SPI1: variants seen among roughly 807,000 people sequenced by gnomAD.
SPI1 encodes Spi-1 proto-oncogene.
Under a neutral mutation model 30.7 loss-of-function variants are expected in SPI1, and 3 were observed. The observed-to-expected ratio is 0.10, with a 90% CI of 0.04 to 0.25. The LOEUF (loss-of-function observed/expected upper bound fraction) is 0.25, where lower values mean the gene tolerates loss of function less well. Ranked by LOEUF, SPI1 falls within the 10% of genes least tolerant of loss-of-function variation. SPI1 has a pLI of 1.00. For missense variants in SPI1, 261 were observed against 371.5 expected (o/e 0.70, Z 2.45); for synonymous variants, 169 against 157.1 (o/e 1.08, Z -0.56).
intron 2 of SPI1, among the ~76,000 whole-genome samples, chr11:47,367,200 GGATA>G (rs1204171155): frequency 2.6e-5 from 4 of 152,030 alleles, no homozygotes; most frequent in African/African-American, 9.7e-5. Flanking sequence ...GAAATTGGAT[GGATA>G]GATGGATGGA....
At chr11:47,367,382 C>T (rs942968296) in intron 2 of SPI1, among the ~76,000 whole-genome samples, 5 of 151,560 alleles carry the variant, frequency 3.3e-5, no homozygotes, top group African/African-American at 7.3e-5. Flanking sequence ...GGTGAAACCC[C>T]GTCTCTACTA....
intron 4 of SPI1, among the ~76,000 whole-genome samples, chr11:47,356,074 C>T (rs1038947556): frequency 1.3e-5 from 2 of 151,692 alleles, no homozygotes; most frequent in Non-Finnish European, 2.9e-5. Context: ...CACCCACATG[C>T]TCACACACAT....
At chr11:47,369,286 A>C (rs908491283) in intron 2 of SPI1, among the ~76,000 whole-genome samples, 2 of 152,112 alleles carry the variant, frequency 1.3e-5, no homozygotes, top group South Asian at 4.1e-4. Context: ...CATAATAAAC[A>C]ATAGCAAATC....
rs781009883 is a variant in SPI1, at chr11:47,360,003, G to T, written c.180C>A (p.Ser60Arg). ...TGTTCTCGGCGAAGCTCTCGAACTC[G>T]CTGTGCACGTGGTGGGGGTGGAAGT... ...YWDFHPHHVH[S>R]EFESFAENNF... The change falls in exon 3 of 5, where the codon AGC (serine) becomes AGA (arginine). Residue 60 changes from serine (S) to arginine (R), a missense_variant. Transcript: ENST00000378538. 1 of 1,597,738 alleles carries T rather than the reference G, an allele frequency of 6.3e-7. No homozygotes were observed. Among genetic ancestry groups the T allele is most frequent in the Non-Finnish European group, 8.5e-7 (1 of 1,170,582 alleles).
chr11:47,368,943 C>G (rs2095932020), intron 2 of SPI1, among the ~76,000 whole-genome samples: 1 of 152,100 alleles, frequency 6.6e-6, no homozygotes. Flanking sequence ...GTGTATTTTA[C>G]CACAATTAAA....
chr11:47,362,161 G>A (rs904627188), intron 2 of SPI1, among the ~76,000 whole-genome samples: 4 of 152,176 alleles, frequency 2.6e-5, no homozygotes, highest in Admixed American at 1.3e-4. Flanking sequence ...GTTTTGAGAA[G>A]CAAATGACCT....
chr11:47,355,255 A>T lies in SPI1; in HGVS notation c.785T>A (p.Leu262Gln). The T allele has an allele frequency of 1.4e-6, 2 of 1,475,456 alleles. No homozygotes were observed. Among genetic ancestry groups the T allele is most frequent in the Non-Finnish European group, 1.8e-6 (2 of 1,114,880 alleles). The allele number at this position is 1,475,456 out of a possible 1,614,324, so 91.4% of individuals were successfully genotyped here. The change falls in exon 5 of 5, where the codon CTG becomes CAG. Residue 262 changes from leucine to glutamine, a missense_variant. By Grantham distance (113) the Leu-to-Gln change is moderately radical (BLOSUM62 -2). This residue lies in a region of SPI1 where 24 missense variants were observed against 20.9 expected (regional missense o/e 1.15). Transcript: ENST00000378538. ...GTGGGGCGGGTGGCGCCGCTCGGCC[A>T]GGCCCCCGCGGCCCAGCACTTCGCC... ...FSGEVLGRGG[L>Q]AERRHPPH
rs759424775 is a variant in SPI1 at position 47,375,755 on chromosome 11, C to T, written c.46-26G>A. The stretch of plus-strand genomic sequence containing the variant: ...CTGCTGAGAGAGGAGGTGTCAGGGC[C>T]TGCACCATGGTGGGAGACCCCAGCC... On this transcript the variant is annotated intron_variant, in intron 1 of 4. Transcript: ENST00000378538. This position sits in a 1 kb window ranked among gnomAD's most constrained non-coding sequence, Gnocchi z 4.2. 6.3e-7 allele frequency: 1 copy of T among 1,592,702 alleles called. No homozygotes were observed. Among genetic ancestry groups the T allele is most frequent in the East Asian group, 2.2e-5 (1 of 44,760 alleles).
In SPI1 at chr11:47,378,437, G is replaced by T; in HGVS notation, c.-84C>A. The T allele has an allele frequency of 6.7e-7, 1 of 1,492,116 alleles. No individual in the cohort carries two copies. The highest frequency in any genetic ancestry group is 1.2e-5 in the South Asian group (1 of 83,984). 92.4% of individuals were successfully genotyped at this position (1,492,116 alleles called of 1,614,324 possible). On this transcript the variant is annotated 5_prime_UTR_variant, in exon 1 of 5. Coordinates refer to ENST00000378538, the MANE Select transcript of SPI1 (RefSeq NM_003120.3). ...CTCAGGATGGGGTGCCCCGTCAGGG[G>T]CTGGACGGTCGTGGGGCGGGTGCAG...
rs547427984 is a variant in SPI1 at position 47,359,448 on chromosome 11, G to C, written c.330+405C>G. The stretch of plus-strand genomic sequence containing the variant: ...AGTAGGGGTGGTAGAGGTCAGCAGA[G>C]GTCACTGATCCGGGTTAGGGTCAGT... On this transcript the variant is annotated intron_variant, in intron 3 of 4. Coordinates refer to ENST00000378538, the MANE Select transcript of SPI1 (RefSeq NM_003120.3). This position sits in a 1 kb window ranked among gnomAD's most constrained non-coding sequence, Gnocchi z 5.1. Among the ~76,000 whole-genome samples the C allele has an allele frequency of 1.3e-5, 2 of 152,184 alleles. No homozygotes were observed. The highest frequency in any genetic ancestry group is 4.2e-4 in the South Asian group (2 of 4,818).
At chr11:47,362,932 A>T (rs969655306) in intron 2 of SPI1, among the ~76,000 whole-genome samples, 11 of 150,864 alleles carry the variant, frequency 7.3e-5, no homozygotes, top group Middle Eastern at 3.2e-3. Flanking sequence ...CTTACAAAAA[A>T]TTTTTTTTAA....
intron 4 of SPI1, chr11:47,358,556 A>G: frequency 1.4e-6 from 1 of 696,060 alleles, no homozygotes; most frequent in South Asian, 1.5e-5. Context: ...GTGCACACGC[A>G]CCCTCTGCAC....
At chr11:47,363,963 C>CAAAAA (rs1161379136) in intron 2 of SPI1, among the ~76,000 whole-genome samples, 12 of 58,908 alleles carry the variant, frequency 2.0e-4, no homozygotes, top group South Asian at 9.4e-4. Flanking sequence ...ACTCGGTCTC[C>CAAAAA]AAAAAAAAAA....
chr11:47,377,468 CTG>C (rs2095943873), intron 1 of SPI1, among the ~76,000 whole-genome samples: 1 of 152,098 alleles, frequency 6.6e-6, no homozygotes, highest in Non-Finnish European at 1.5e-5. Flanking sequence ...GCAACTGTCA[CTG>C]AGAGTGAGGA....
In SPI1 at chr11:47,359,955, C is replaced by T; in HGVS notation, c.228G>A (p.Val76=). The stretch of plus-strand genomic sequence containing the variant: ...AGAGCTGCTGCAGCTGCGGGGGCTG[C>T]ACGCTCTGGAGCTCCGTGAAGTTGT... ...AENNFTELQS[V]QPPQLQQLYR... The change falls in exon 3 of 5, where the codon GTG becomes GTA. Residue 76 remains valine, a synonymous_variant. Transcript: ENST00000378538. This position sits in a 1 kb window ranked among gnomAD's most constrained non-coding sequence, Gnocchi z 5.1. 1 of 1,611,704 alleles carries T rather than the reference C, an allele frequency of 6.2e-7. No homozygotes were observed. Among genetic ancestry groups the T allele is most frequent in the Non-Finnish European group, 8.5e-7 (1 of 1,179,644 alleles).
chr11:47,356,592 C>T (rs981576116), intron 4 of SPI1, among the ~76,000 whole-genome samples: 4 of 151,164 alleles, frequency 2.6e-5, no homozygotes, highest in African/African-American at 4.9e-5. Flanking sequence ...CACACCAGGT[C>T]TCATAATCAC....
At chr11:47,361,526 C>T (rs1398176416) in intron 2 of SPI1, among the ~76,000 whole-genome samples, 1 of 152,174 alleles carries the variant, frequency 6.6e-6, no homozygotes, top group African/African-American at 2.4e-5. Context: ...ACAAAAACTG[C>T]CACACATCTG....
Position 47,378,323 on chromosome 11 carries a change from G to C in SPI1, c.31C>G (p.Pro11Ala). 1 of 1,613,874 alleles carries C rather than the reference G, an allele frequency of 6.2e-7. No individual in the cohort carries two copies. The highest frequency in any genetic ancestry group is 8.5e-7 in the Non-Finnish European group (1 of 1,179,874). MLQACKMEGFPLVPPPSEDLV... is the reference protein window; with the variant it reads MLQACKMEGFALVPPPSEDLV... Reference sequence around the variant, plus strand: ...CCGGTACTCACAGGGGGGACGAGGGGAAACCCTTCCATTTTGCACGCCTGT... The same window carrying C: ...CCGGTACTCACAGGGGGGACGAGGGCAAACCCTTCCATTTTGCACGCCTGT... Residue 11 changes from proline to alanine, a missense_variant, in exon 1 of 5, where the codon CCC becomes GCC. Physicochemically the swap from Pro to Ala is conservative, Grantham distance 27. Coordinates refer to ENST00000378538, the MANE Select transcript of SPI1 (RefSeq NM_003120.3).
chr11:47,355,408 T>C lies in SPI1; in HGVS notation c.632A>G (p.His211Arg). ...GTTGCCCTTCTGGATGCCCCAGCGG[T>C]GCGCCAGCGCCTCCTTGTGCTTGGA... ...FSSKHKEALA[H>R]RWGIQKGNRK... Residue 211 changes from histidine (H) to arginine (R), a missense_variant, in exon 5 of 5, where the codon CAC becomes CGC. Physicochemically the swap from His to Arg is conservative, Grantham distance 29. Around this residue, in one of 5 missense-constraint regions of SPI1, gnomAD observed 43 missense variants for 123.8 expected, o/e 0.35. Transcript: ENST00000378538. 1 of 1,613,822 alleles carries C rather than the reference T, an allele frequency of 6.2e-7. No individual in the cohort carries two copies.
Sources: gnomAD v4.1 joint callset for allele counts (sites outside exome capture counted in the v4.1 genomes callset) on GRCh38, gnomAD v4.1.1 for gene constraint, gnomAD v4.1.1 regional missense constraint, Gnocchi (gnomAD v3.1) non-coding constraint, MANE v1.5 for transcripts, NCBI Gene and HGNC (gene_info 2026-07-23, HGNC 2026-07-21) for gene names.